The following RNF216 variants were observed in gnomAD, a reference collection of about 807,000 sequenced individuals.
RNF216 encodes the protein E3 ubiquitin-protein ligase RNF216.
A neutral mutation model predicts 110.8 loss-of-function variants in RNF216; 72 were observed. The ratio of observed to expected loss-of-function variants is 0.65; its 90% CI spans 0.54 to 0.79. The LOEUF (loss-of-function observed/expected upper bound fraction) is 0.79, where lower values mean the gene tolerates loss of function less well. Among genes scored for constraint, RNF216 ranks in the 30% least tolerant of loss-of-function variants. RNF216 has a pLI of 0.00. For missense variants in RNF216, 1,342 were observed against 1,141.2 expected (o/e 1.18, Z -2.54); for synonymous variants, 495 against 407.5 (o/e 1.21, Z -2.59).
chr7:5,748,371 A>G (rs1366831952), intron 3 of RNF216, among the ~76,000 whole-genome samples: 1 of 152,072 alleles, frequency 6.6e-6, no homozygotes, highest in Non-Finnish European at 1.5e-5. Flanking sequence ...TCATTAAGAA[A>G]CAAGCTAAAT....
Position 5,623,162 on chromosome 7 carries a change from T to C in RNF216, c.2470A>G (p.Ile824Val). 1 of 1,569,752 alleles carries C rather than the reference T, an allele frequency of 6.4e-7. No individual in the cohort carries two copies. Among genetic ancestry groups the C allele is most frequent in the Non-Finnish European group, 8.7e-7 (1 of 1,152,148 alleles). ...ACAGGCTTCTCCAGCGGGGGTCCAA[T>C]GCGTTTGAAGGTGTTCTCTGAAAGG... is the stretch of plus-strand genomic sequence containing the variant. Reference protein sequence around the residue: ...RKNGENTFKRIGPPLEKPVEK... With the variant: ...RKNGENTFKRVGPPLEKPVEK... The change falls in exon 17 of 17, where the codon ATT (isoleucine) becomes GTT (valine). Residue 824 changes from isoleucine to valine, a missense_variant. Ile to Val is a conservative substitution (Grantham distance 29, BLOSUM62 3). Transcript: ENST00000389902.
Position 5,655,247 on chromosome 7 carries a change from T to G in RNF216, c.2062-2737A>C, listed in dbSNP as rs556020989. On this transcript the variant is annotated intron_variant, in intron 13 of 16. Coordinates refer to ENST00000389902, the MANE Select transcript of RNF216 (RefSeq NM_207111.4). ...TGCTCACCCTCTACGTCACAGTGCT[T>G]CTTCTGTAGGTGAACGTGTGGGTTT... is the stretch of plus-strand genomic sequence containing the variant. Among the ~76,000 whole-genome samples the G allele has an allele frequency of 1.2e-3, 183 of 152,250 alleles. 1 individual carries two copies. The highest frequency in any genetic ancestry group is 1.9e-3 in the Non-Finnish European group (126 of 68,000).
At chr7:5,677,064 A>C (rs948664796) in intron 13 of RNF216, among the ~76,000 whole-genome samples, 17 of 152,248 alleles carry the variant, frequency 1.1e-4, no homozygotes, top group African/African-American at 4.1e-4. Context: ...GAGAAATACC[A>C]CTACAGACCA....
intron 4 of RNF216, among the ~76,000 whole-genome samples, chr7:5,740,317 A>G (rs1433004862): frequency 1.3e-5 from 2 of 151,938 alleles, no homozygotes; most frequent in East Asian, 2.0e-4. Context: ...TAGTAGAGAC[A>G]GGGTTTCACC....
At chr7:5,728,620 T>G (rs758194748) in intron 7 of RNF216, among the ~76,000 whole-genome samples, 3 of 151,918 alleles carry the variant, frequency 2.0e-5, no homozygotes, top group Non-Finnish European at 4.4e-5. Context: ...TGGAAGGGGC[T>G]TGGCCTAGAC....
intron 14 of RNF216, among the ~76,000 whole-genome samples, chr7:5,646,593 T>C (rs1325576685): frequency 2.6e-5 from 4 of 151,402 alleles, no homozygotes; most frequent in African/African-American, 9.7e-5. Context: ...CTCAGGAGGC[T>C]GAGGCAGGAG....
intron 13 of RNF216, among the ~76,000 whole-genome samples, chr7:5,654,924 C>G (rs185001894): frequency 1.3e-4 from 20 of 152,190 alleles, no homozygotes; most frequent in Admixed American, 1.2e-3. Flanking sequence ...AAACCCTGTG[C>G]CTGACTATTG....
At chr7:5,757,732 A>C (rs1795719752) in intron 2 of RNF216, among the ~76,000 whole-genome samples, 1 of 152,246 alleles carries the variant, frequency 6.6e-6, no homozygotes, top group Admixed American at 6.5e-5. Context: ...GAGTGAGGTA[A>C]GGACTAACTG....
At chr7:5,747,945 G>T (rs139296878) in intron 3 of RNF216, among the ~76,000 whole-genome samples, 1 of 152,094 alleles carries the variant, frequency 6.6e-6, no homozygotes, top group African/African-American at 2.4e-5. Flanking sequence ...TGTCTGCCCT[G>T]ACCCTTAAGG....
At chr7:5,731,361 T>TCCCTTTGCCGTTACTTCAGGAGTCCC (rs1794079722) in intron 5 of RNF216, among the ~76,000 whole-genome samples, 120 of 151,872 alleles carry the variant, frequency 7.9e-4, no homozygotes, top group African/African-American at 2.7e-3. Context: ...ACACGTGGTT[T>TCCCTTTGCCGTTACTTCAGGAGTCCC]ATTTAGCTAG....
intron 13 of RNF216, among the ~76,000 whole-genome samples, chr7:5,674,171 AG>A (rs1262209498): frequency 2.6e-5 from 4 of 151,954 alleles, no homozygotes; most frequent in African/African-American, 9.7e-5. Flanking sequence ...CTGGGATTAT[AG>A]GCACCCACCA....
chr7:5,715,140 C>T lies in RNF216; in HGVS notation c.1746G>A (p.Glu582=). Residue 582 remains glutamate, a synonymous_variant, in exon 11 of 17, where the codon GAG becomes GAA. Transcript: ENST00000389902. ...GAGCATCTGCGCACTGCGTCAGCTCCTCGAATGGAAATTCCCCATAGCAGC... is the reference window on the plus strand; with the variant it reads ...GAGCATCTGCGCACTGCGTCAGCTCTTCGAATGGAAATTCCCCATAGCAGC... ...CRCCYGEFPF[E]ELTQCADAHL... is the part of the protein sequence containing the mutation. 2 of 1,613,920 alleles carry T rather than the reference C, an allele frequency of 1.2e-6. No individual in the cohort carries two copies. Among genetic ancestry groups the T allele is most frequent in the Non-Finnish European group, 1.7e-6 (2 of 1,180,020 alleles).
At chr7:5,747,918 C>T (rs1353205120) in intron 3 of RNF216, among the ~76,000 whole-genome samples, 1 of 152,064 alleles carries the variant, frequency 6.6e-6, no homozygotes, top group African/African-American at 2.4e-5. Context: ...ACTGAGATTA[C>T]AGGTTTTGAG....
At chr7:5,661,257 G>A (rs1046550407) in intron 13 of RNF216, among the ~76,000 whole-genome samples, 6 of 152,032 alleles carry the variant, frequency 3.9e-5, no homozygotes, top group Non-Finnish European at 5.9e-5. Context: ...GCTGTTTTTC[G>A]AAGGGATTGG....
intron 14 of RNF216, among the ~76,000 whole-genome samples, chr7:5,644,123 G>A (rs1787908395): frequency 6.6e-6 from 1 of 152,166 alleles, no homozygotes; most frequent in Non-Finnish European, 1.5e-5. Flanking sequence ...TTTGGCTGGT[G>A]TGAATTGTGG....
chr7:5,664,322 A>ATC (rs1393568059), intron 13 of RNF216, among the ~76,000 whole-genome samples: 2 of 152,204 alleles, frequency 1.3e-5, no homozygotes, highest in African/African-American at 4.8e-5. Context: ...CTTCAGCCTT[A>ATC]AGGATGAGTT....
chr7:5,763,773 A>G (rs1478144846), intron 1 of RNF216, among the ~76,000 whole-genome samples: 2 of 152,158 alleles, frequency 1.3e-5, no homozygotes, highest in African/African-American at 2.4e-5. Flanking sequence ...GGGTCTCACT[A>G]TGCTGCCCAG....
At chr7:5,676,981 G>GCCAAA (rs1337403184) in intron 13 of RNF216, among the ~76,000 whole-genome samples, 11 of 152,118 alleles carry the variant, frequency 7.2e-5, no homozygotes, top group African/African-American at 2.7e-4. Context: ...TTCCTTAAAA[G>GCCAAA]CCAAACCAAA....
At chr7:5,746,957 T>G (rs1182370553) in intron 3 of RNF216, among the ~76,000 whole-genome samples, 1 of 152,184 alleles carries the variant, frequency 6.6e-6, no homozygotes, top group African/African-American at 2.4e-5. Flanking sequence ...AAAATAGCTT[T>G]TTTGAAAGAT....
Sources: allele counts gnomAD v4.1 joint callset (sites outside exome capture counted in the v4.1 genomes callset), GRCh38; gene constraint gnomAD v4.1.1; transcripts MANE v1.5; gene names NCBI Gene and HGNC (gene_info 2026-07-23, HGNC 2026-07-21).